BANF1: variants seen among roughly 807,000 people sequenced by gnomAD.
The protein encoded by BANF1 is barrier-to-autointegration factor.
For missense variants in BANF1, 47 were observed against 110.4 expected, an observed-to-expected ratio of 0.43 and a Z score of 2.57; for synonymous variants, 49 against 43.7, an observed-to-expected ratio of 1.12 and a Z score of -0.48.
At chr11:66,003,428 C>T in intron 2 of BANF1, 55 bp downstream of exon 2, 2 of 1,612,972 alleles carry the variant, frequency 1.2e-6, no homozygotes, top group Non-Finnish European at 1.7e-6. Flanking sequence ...GGAAGTGATT[C>T]CATCTGCTGG....
In BANF1 at chr11:66,003,304, G is replaced by A. The variant is rs1432519272; in HGVS notation, c.54G>A (p.Lys18=). 4 of 1,613,784 alleles carry A rather than the reference G, an allele frequency of 2.5e-6. No homozygotes were observed. The African/African-American group carries it at 4.0e-5, about 16-fold the overall frequency. The stretch of plus-strand genomic sequence containing the variant: ...TCGTGGCAGAGCCCATGGGGGAGAA[G>A]CCAGTGGGGAGCCTGGCTGGGATTG... ...RDFVAEPMGE[K]PVGSLAGIGE... Residue 18 remains lysine, a synonymous_variant, in exon 2 of 3, where the codon AAG becomes AAA. Transcript: ENST00000312175.
rs387906871 is a variant in BANF1, at chr11:66,003,284, G to A, written c.34G>A (p.Ala12Thr). The A allele has an allele frequency of 6.2e-7, 1 of 1,613,768 alleles. No individual in the cohort carries two copies. Among genetic ancestry groups the A allele is most frequent in the Non-Finnish European group, 8.5e-7 (1 of 1,179,818 alleles). Residue 12 changes from alanine (A) to threonine (T), a missense_variant, in exon 2 of 3, where the codon GCA becomes ACA. Transcript: ENST00000312175. ...TTSQKHRDFV[A>T]EPMGEKPVGS... ...CTCCCAAAAGCACCGAGACTTCGTG[G>A]CAGAGCCCATGGGGGAGAAGCCAGT... is the stretch of plus-strand genomic sequence containing the variant.
Position 66,002,802 on chromosome 11 carries a change from G to C in BANF1, c.-17+232G>C, listed in dbSNP as rs917884012. 24 of 167,146 alleles carry C rather than the reference G, an allele frequency of 1.4e-4. No individual in the cohort carries two copies. The South Asian group carries it at 3.0e-3, about 21-fold the overall frequency. The allele number at this position is 167,146 out of a possible 1,614,324, so 10.4% of individuals were successfully genotyped here. On this transcript the variant is annotated intron_variant, in intron 1 of 2. Transcript: ENST00000312175. ...GGCGTGAACCCCGCGGGCGGGGAGC[G>C]GGTGTGCGCAGCGCTAGGTGTGCGC... is the stretch of plus-strand genomic sequence containing the variant.
intron 1 of BANF1, chr11:66,002,831 G>A: frequency 3.8e-6 from 1 of 260,124 alleles, no homozygotes; most frequent in Non-Finnish European, 7.6e-6. Flanking sequence ...TGTGCGCTTC[G>A]CCCTGTAGGT....
chr11:66,003,786 G>T lies in BANF1; in HGVS notation c.*14G>T. 1 of 1,613,848 alleles carries T rather than the reference G, an allele frequency of 6.2e-7. No homozygotes were observed. The highest frequency in any genetic ancestry group is 8.5e-7 in the Non-Finnish European group (1 of 1,179,982). On this transcript the variant is annotated 3_prime_UTR_variant, in exon 3 of 3. Coordinates refer to ENST00000312175, the MANE Select transcript of BANF1 (RefSeq NM_003860.4). ...GCCTTCTTGTGATGCTCTCTGGGAA[G>T]CTCTCAATCCCCAGCCCTCATCCAG...
intron 1 of BANF1, 32 bp from the exon 2 acceptor site, chr11:66,003,203 G>A: frequency 6.2e-7 from 1 of 1,610,714 alleles, no homozygotes; most frequent in Non-Finnish European, 8.5e-7. Flanking sequence ...CAGGTCTTCA[G>A]CCCTAATCTG....
chr11:66,003,588 A>G (rs932855686), intron 2 of BANF1, 38 bp from the exon 3 acceptor site: 1 of 1,607,398 alleles, frequency 6.2e-7, no homozygotes, highest in Non-Finnish European at 8.5e-7. Context: ...CTCACTGAGC[A>G]CTGAGCAGCA....
chr11:66,003,795 C>A lies in BANF1; in HGVS notation c.*23C>A. 1 of 1,613,684 alleles carries A rather than the reference C, an allele frequency of 6.2e-7. No homozygotes were observed. Among genetic ancestry groups the A allele is most frequent in the Non-Finnish European group, 8.5e-7 (1 of 1,179,948 alleles). On this transcript the variant is annotated 3_prime_UTR_variant, in exon 3 of 3. Coordinates refer to ENST00000312175, the MANE Select transcript of BANF1 (RefSeq NM_003860.4). ...TGATGCTCTCTGGGAAGCTCTCAAT[C>A]CCCAGCCCTCATCCAGAGTTTGCAG...
chr11:66,003,086 C>G, intron 1 of BANF1, 149 bp from the exon 2 acceptor site: 1 of 808,460 alleles, frequency 1.2e-6, no homozygotes, highest in Admixed American at 2.1e-5. Flanking sequence ...GAAGAGTCTC[C>G]CTGGAACTGT....
At chr11:66,003,397 A>C in intron 2 of BANF1, 24 bp downstream of exon 2, 3 of 1,613,278 alleles carry the variant, frequency 1.9e-6, no homozygotes, top group Non-Finnish European at 2.5e-6. Flanking sequence ...GCGTGTACCT[A>C]GTGCAAGCGG....
chr11:66,003,876 C>G lies in BANF1; in HGVS notation c.*104C>G. 6.5e-7 allele frequency: 1 copy of G among 1,532,782 alleles called. No individual in the cohort carries two copies. The highest frequency in any genetic ancestry group is 8.9e-7 in the Non-Finnish European group (1 of 1,119,460). The allele number at this position is 1,532,782 out of a possible 1,614,324, so 94.9% of individuals were successfully genotyped here. On this transcript the variant is annotated 3_prime_UTR_variant, in exon 3 of 3. Coordinates refer to ENST00000312175, the MANE Select transcript of BANF1 (RefSeq NM_003860.4). Reference sequence around the variant, plus strand: ...GAAGGAAAAGATTGCTATTGTCGTACTCACCTCCGACGTACTCCGGGGTCT... The same window carrying G: ...GAAGGAAAAGATTGCTATTGTCGTAGTCACCTCCGACGTACTCCGGGGTCT...
intron 2 of BANF1, 30 bp from the exon 3 acceptor site, chr11:66,003,589 CTGAGCAG>C: frequency 7.3e-7 from 1 of 1,374,354 alleles, no homozygotes; most frequent in Non-Finnish European, 1.0e-6. Context: ...TCACTGAGCA[CTGAGCAG>C]CACGCTCCTT....
Position 66,003,702 on chromosome 11 carries a change from G to C in BANF1, c.200G>C (p.Cys67Ser). The change falls in exon 3 of 3, where the codon TGT becomes TCT. Residue 67 changes from cysteine (C) to serine (S), a missense_variant. Physicochemically the swap from Cys to Ser is moderately radical, Grantham distance 112. Transcript: ENST00000312175. Reference sequence around the variant, plus strand: ...TTCCGGGAATGGCTGAAAGACACTTGTGGCGCCAACGCCAAGCAGTCCCGG... The same window carrying C: ...TTCCGGGAATGGCTGAAAGACACTTCTGGCGCCAACGCCAAGCAGTCCCGG... Reference protein sequence around the residue: ...DLFREWLKDTCGANAKQSRDC... With the variant: ...DLFREWLKDTSGANAKQSRDC... 3 of 1,614,150 alleles carry C rather than the reference G, an allele frequency of 1.9e-6. No individual in the cohort carries two copies. The highest frequency in any genetic ancestry group is 2.5e-6 in the Non-Finnish European group (3 of 1,180,026).
intron 2 of BANF1, 100 bp downstream of exon 2, chr11:66,003,473 C>T: frequency 6.2e-7 from 1 of 1,607,804 alleles, no homozygotes; most frequent in African/African-American, 1.3e-5. Flanking sequence ...GAAGAGGCTG[C>T]CAGAGCCTGG....
At chr11:66,003,208 A>C in intron 1 of BANF1, 27 bp from the exon 2 acceptor site, 1 of 1,611,244 alleles carries the variant, frequency 6.2e-7, no homozygotes. Flanking sequence ...CTTCAGCCCT[A>C]ATCTGCCTTT....
intron 2 of BANF1, 32 bp downstream of exon 2, chr11:66,003,405 C>G (rs767709380): frequency 1.2e-6 from 2 of 1,611,890 alleles, no homozygotes; most frequent in African/African-American, 2.7e-5. Flanking sequence ...CTAGTGCAAG[C>G]GGGGGGTGGA....
At position 66,004,141 on chromosome 11, in the gene BANF1, C is replaced by T. The variant is rs753492403; in HGVS notation, c.*369C>T. On this transcript the variant is annotated 3_prime_UTR_variant, in exon 3 of 3. Coordinates refer to ENST00000312175, the MANE Select transcript of BANF1 (RefSeq NM_003860.4). ...TTTTTTAGATCAATAAAGTCAGTGG[C>T]TTTCATGACTGGGCTTTGTGCACTG... is the stretch of plus-strand genomic sequence containing the variant. The T allele has an allele frequency of 8.7e-6, 3 of 346,498 alleles. No homozygotes were observed. In the Admixed American group the frequency reaches 1.3e-4, roughly 15 times the overall value. 21.5% of individuals were successfully genotyped at this position (346,498 alleles called of 1,614,324 possible).
chr11:66,002,834 C>G (rs1314932739), intron 1 of BANF1: 1 of 270,464 alleles, frequency 3.7e-6, no homozygotes, highest in South Asian at 3.6e-5. Flanking sequence ...GCGCTTCGCC[C>G]TGTAGGTAGA....
intron 1 of BANF1, chr11:66,002,978 G>A: frequency 6.4e-6 from 3 of 466,746 alleles, no homozygotes. Context: ...TCTTTCCACT[G>A]CCCCGCTTGC....
Sources: gnomAD v4.1 joint callset for allele counts on GRCh38, gnomAD v4.1.1 for gene constraint, MANE v1.5 for transcripts, NCBI Gene and HGNC (gene_info 2026-07-23, HGNC 2026-07-21) for gene names.